PREX1: variants seen among roughly 807,000 people sequenced by gnomAD.
PREX1 encodes phosphatidylinositol-3,4,5-trisphosphate dependent Rac exchange factor 1, also known as phosphatidylinositol 3,4,5-trisphosphate-dependent Rac exchanger 1 protein.
A neutral mutation model predicts 198.3 loss-of-function variants in PREX1; 41 were observed. The ratio of observed to expected loss-of-function variants is 0.21; its 90% confidence interval spans 0.16 to 0.27. The LOEUF (loss-of-function observed/expected upper bound fraction) is 0.27. PREX1 is among the 10% of genes least tolerant of loss of function. PREX1 has a pLI of 1.00. For synonymous variants in PREX1, 843 were observed against 887.2 expected (o/e 0.95, Z 0.89); for missense variants, 1,620 against 2,200.7 (o/e 0.74, Z 5.28).
chr20:48,869,781 G>A, the PREX1 span, among the ~76,000 whole-genome samples: 1 of 152,182 alleles, frequency 6.6e-6, no homozygotes, highest in Non-Finnish European at 1.5e-5. Flanking sequence ...ACTCATAAGT[G>A]GGAGTTGAAC....
the PREX1 span, among the ~76,000 whole-genome samples, chr20:48,846,147 C>T: frequency 6.6e-6 from 1 of 152,128 alleles, no homozygotes; most frequent in African/African-American, 2.4e-5. Context: ...CAGAGAATTA[C>T]AGAAACTTGC....
At chr20:48,720,863 T>A (rs1411022253) in intron 5 of PREX1, among the ~76,000 whole-genome samples, 1 of 151,990 alleles carries the variant, frequency 6.6e-6, no homozygotes, top group Admixed American at 6.6e-5. Flanking sequence ...TGCACTTGGG[T>A]GACAGCTGCA....
intron 33 of PREX1, 55 bp from the exon 34 acceptor site, chr20:48,632,694 G>C: frequency 6.3e-7 from 1 of 1,591,622 alleles, no homozygotes; most frequent in Non-Finnish European, 8.6e-7. Flanking sequence ...GCCAGGGGAA[G>C]CCCTGGCACA....
chr20:48,660,486 GGA>G (rs1491556982), intron 15 of PREX1, among the ~76,000 whole-genome samples: 2 of 147,040 alleles, frequency 1.4e-5, no homozygotes, highest in Non-Finnish European at 3.1e-5. Context: ...TGCCCAGGGG[GGA>G]AAAAAATTGA....
chr20:48,879,704 C>T, the PREX1 span, among the ~76,000 whole-genome samples: 1 of 152,328 alleles, frequency 6.6e-6, no homozygotes, highest in East Asian at 1.9e-4. Flanking sequence ...CCCTCCAAAT[C>T]ACCAATTATT....
At chr20:48,843,403 G>A in the PREX1 span, among the ~76,000 whole-genome samples, 13 of 152,132 alleles carry the variant, frequency 8.5e-5, no homozygotes, top group Non-Finnish European at 1.8e-4. Flanking sequence ...AGAAAGGAAG[G>A]GAGGAATGGT....
the PREX1 span, among the ~76,000 whole-genome samples, chr20:48,847,692 A>G: frequency 1.3e-5 from 2 of 152,314 alleles, no homozygotes; most frequent in Admixed American, 1.3e-4. Flanking sequence ...TGTCTGGAAT[A>G]TATGACTCAA....
chr20:48,864,229 C>T, the PREX1 span, among the ~76,000 whole-genome samples: 9 of 152,162 alleles, frequency 5.9e-5, no homozygotes, highest in Non-Finnish European at 7.4e-5. Flanking sequence ...ACAAGTTCTC[C>T]TTGTTCATTC....
At position 48,688,701 on chromosome 20, in the gene PREX1, G is replaced by A; in HGVS notation, c.1290C>T (p.Asp430=). 6.2e-7 allele frequency: 1 copy of A among 1,614,168 alleles called. No individual in the cohort carries two copies. The highest frequency in any genetic ancestry group is 8.5e-7 in the Non-Finnish European group (1 of 1,180,036). Reference sequence around the variant, plus strand: ...GGACAGTGCTCAGCTTTCTCCGGCGGTCCTTGATGAGGTTCACCTTCTTGT... The same window carrying A: ...GGACAGTGCTCAGCTTTCTCCGGCGATCCTTGATGAGGTTCACCTTCTTGT... The part of the protein sequence containing the change: ...MMNKKVNLIK[D]RRRKLSTVPK... Residue 430 remains aspartate, a synonymous_variant, in exon 10 of 40, where the codon GAC becomes GAT. Transcript: ENST00000371941.
intron 1 of PREX1, among the ~76,000 whole-genome samples, chr20:48,796,625 T>G (rs1399025059): frequency 2.0e-5 from 3 of 151,326 alleles, no homozygotes; most frequent in African/African-American, 7.3e-5. Flanking sequence ...TATTTATATG[T>G]GTACATATAC....
At chr20:48,667,519 T>C (rs1402701766) in intron 14 of PREX1, among the ~76,000 whole-genome samples, 2 of 152,240 alleles carry the variant, frequency 1.3e-5, no homozygotes, top group Non-Finnish European at 2.9e-5. Context: ...GATTCTTCTG[T>C]CTGCTACTGA....
chr20:48,681,359 T>C (rs755573964), intron 10 of PREX1, 24 bp from the exon 11 acceptor site: 24 of 1,609,648 alleles, frequency 1.5e-5, no homozygotes, highest in Middle Eastern at 1.6e-4. Flanking sequence ...AATATGTGGT[T>C]GAGAGGATTT....
At chr20:48,762,037 A>G (rs1272277534) in intron 1 of PREX1, among the ~76,000 whole-genome samples, 2 of 152,116 alleles carry the variant, frequency 1.3e-5, no homozygotes, top group Non-Finnish European at 2.9e-5. Context: ...CCCTGTGAAC[A>G]CCTGAGTGTG....
the PREX1 span, among the ~76,000 whole-genome samples, chr20:48,880,639 T>A: frequency 1.3e-5 from 2 of 152,124 alleles, no homozygotes; most frequent in African/African-American, 2.4e-5. Context: ...AGCCCAAAAC[T>A]TCAGCTTACA....
intron 1 of PREX1, among the ~76,000 whole-genome samples, chr20:48,768,980 G>A (rs968680563): frequency 3.3e-5 from 5 of 151,846 alleles, no homozygotes; most frequent in Admixed American, 6.6e-5. Context: ...GGTTTAAAAG[G>A]AGATTGTCAC....
chr20:48,725,969 C>G (rs1429138037), intron 5 of PREX1, among the ~76,000 whole-genome samples: 1 of 152,238 alleles, frequency 6.6e-6, no homozygotes, highest in African/African-American at 2.4e-5. Flanking sequence ...TGACCTTCCC[C>G]TGGCTGCAGA....
Position 48,765,371 on chromosome 20 carries a change from C to G in PREX1, c.220-17491G>C, listed in dbSNP as rs1418686756. Among the ~76,000 whole-genome samples, 3 of 152,214 alleles carry G rather than the reference C, an allele frequency of 2.0e-5. No homozygotes were observed. The East Asian group carries it at 5.8e-4, about 29-fold the overall frequency. Reference sequence around the variant, plus strand: ...TTACAGCAACATCAAGTATCTTTCACTATTCAGATCTATTCAGTTCCTGAG... The same window carrying G: ...TTACAGCAACATCAAGTATCTTTCAGTATTCAGATCTATTCAGTTCCTGAG... On this transcript the variant is annotated intron_variant, in intron 1 of 39. Transcript: ENST00000371941.
intron 15 of PREX1, among the ~76,000 whole-genome samples, chr20:48,660,479 C>A (rs2089582266): frequency 6.8e-6 from 1 of 147,172 alleles, no homozygotes; most frequent in African/African-American, 2.4e-5. Flanking sequence ...ACTGACTTGC[C>A]CAGGGGGGAA....
chr20:48,783,876 G>A (rs2090300850), intron 1 of PREX1, among the ~76,000 whole-genome samples: 3 of 152,198 alleles, frequency 2.0e-5, no homozygotes, highest in Admixed American at 6.5e-5. Context: ...AGTGATTCCT[G>A]CTCAAACAGC....
Sources: gnomAD v4.1 joint callset for allele counts (sites outside exome capture counted in the v4.1 genomes callset) on GRCh38, gnomAD v4.1.1 for gene constraint, MANE v1.5 for transcripts, NCBI Gene and HGNC (gene_info 2026-07-23, HGNC 2026-07-21) for gene names.